The following BLCAP variants were observed in gnomAD, a reference collection of about 807,000 sequenced individuals.
BLCAP encodes the protein BLCAP apoptosis inducing factor, also known as apoptosis inducing factor BLCAP.
A neutral mutation model predicts 5.7 loss-of-function variants in BLCAP; 1 was observed. That is an observed-to-expected ratio of 0.18 (90% CI 0.06 to 0.83). BLCAP has a LOEUF of 0.83. Among genes scored for constraint, BLCAP ranks in the 40% least tolerant of loss-of-function variants. The probability of loss-of-function intolerance (pLI) is 0.71; values close to 1 mark genes in which losing one functional copy is unlikely to be tolerated. For missense variants in BLCAP, 66 were observed against 107.6 expected (o/e 0.61, Z 1.71); for synonymous variants, 48 against 49.4 (o/e 0.97, Z 0.11).
intron 1 of BLCAP, chr20:37,522,445 C>A (rs952241675): frequency 1.9e-5 from 31 of 1,612,558 alleles, no homozygotes; most frequent in Non-Finnish European, 2.6e-5. Context: ...TGAGGTATAC[C>A]TAAGTTGTGG....
At position 37,521,638 on chromosome 20, in the gene BLCAP, G is replaced by A. The variant is rs1363287404; in HGVS notation, c.-176-2288C>T. On this transcript the variant is annotated intron_variant, in intron 1 of 1. Transcript: ENST00000373537. This position sits in a 1 kb window ranked among gnomAD's most constrained non-coding sequence, Gnocchi z 4.5. ...CTGCCAGGGAACAAAGACTCGGGGCGCGGCGGGCGACCGCTGCGGACGATC... is the reference window on the plus strand; with the variant it reads ...CTGCCAGGGAACAAAGACTCGGGGCACGGCGGGCGACCGCTGCGGACGATC... 7.4e-6 allele frequency: 4 copies of A among 537,710 alleles called. No homozygotes were observed. Among genetic ancestry groups the A allele is most frequent in the East Asian group, 3.2e-5 (1 of 31,056 alleles). The allele number at this position is 537,710 out of a possible 1,614,324, so 33.3% of individuals were successfully genotyped here. A position where few individuals can be genotyped will look rare whatever the true frequency, so the allele number is the denominator to read the frequency against.
intron 1 of BLCAP, chr20:37,520,408 A>G (rs2071526375): frequency 6.6e-6 from 1 of 152,272 alleles, no homozygotes. Flanking sequence ...CAACGGGTAC[A>G]AAGAACCCCA....
chr20:37,522,070 A>ATT (rs2071598975), intron 1 of BLCAP, among the ~76,000 whole-genome samples: 1 of 151,704 alleles, frequency 6.6e-6, no homozygotes, highest in African/African-American at 2.4e-5. Flanking sequence ...GCTAACGGAA[A>ATT]AAAATGGATC....
chr20:37,519,078 G>A lies in BLCAP; in HGVS notation c.97C>T (p.Leu33=). ...TTCCGTTCCAGGAGGAAGCTGAGCA[G>A]GTAGAAGCCCATGAACATGGAGTGG... ...FSHSMFMGFY[L]LSFLLERKPC... Residue 33 remains leucine, a synonymous_variant, in exon 2 of 2, where the codon CTG becomes TTG. Coordinates refer to ENST00000373537, the MANE Select transcript of BLCAP (RefSeq NM_006698.4). The A allele has an allele frequency of 6.2e-7, 1 of 1,614,158 alleles. No individual in the cohort carries two copies. The highest frequency in any genetic ancestry group is 8.5e-7 in the Non-Finnish European group (1 of 1,180,022).
Position 37,521,471 on chromosome 20 carries a change from G to A in BLCAP, c.-176-2121C>T, listed in dbSNP as rs8114231. ...GCGCCCCTAGAACCCGCAAGACTGC[G>A]TCGCGATTGCCGCTTCCCGGACCCG... On this transcript the variant is annotated intron_variant, in intron 1 of 1. Transcript: ENST00000373537. This position sits in a 1 kb window ranked among gnomAD's most constrained non-coding sequence, Gnocchi z 4.5. 6.1e-3 allele frequency: 9,031 copies of A among 1,480,688 alleles called. 487 individuals carry two copies. In the African/African-American group the frequency reaches 0.11, roughly 18 times the overall value. 91.7% of individuals were successfully genotyped at this position (1,480,688 alleles called of 1,614,324 possible).
chr20:37,524,383 C>T (rs901416602), intron 1 of BLCAP: 1 of 152,288 alleles, frequency 6.6e-6, no homozygotes, highest in East Asian at 1.9e-4. Context: ...TTACCAGGTC[C>T]GTGGCCCTGG....
Position 37,521,599 on chromosome 20 carries a change from T to G in BLCAP, c.-176-2249A>C. 1.7e-6 allele frequency: 1 copy of G among 580,132 alleles called. No homozygotes were observed. Among genetic ancestry groups the G allele is most frequent in the Admixed American group, 3.1e-5 (1 of 32,020 alleles). The allele number at this position is 580,132 out of a possible 1,614,324, so 35.9% of individuals were successfully genotyped here. A position where few individuals can be genotyped will look rare whatever the true frequency, so the allele number is the denominator to read the frequency against. On this transcript the variant is annotated intron_variant, in intron 1 of 1. Transcript: ENST00000373537. This position sits in a 1 kb window ranked among gnomAD's most constrained non-coding sequence, Gnocchi z 4.5. ...CCGTCCTCCTCGCGCTGACCCTCCCTAGTGCGCCCGCGCCTGCCAGGGAAC... is the reference window on the plus strand; with the variant it reads ...CCGTCCTCCTCGCGCTGACCCTCCCGAGTGCGCCCGCGCCTGCCAGGGAAC...
intron 1 of BLCAP, chr20:37,522,737 G>A (rs1278685297): frequency 1.2e-6 from 2 of 1,607,756 alleles, no homozygotes; most frequent in East Asian, 2.2e-5. Flanking sequence ...TTGGGGGAGC[G>A]CAGGCAGCGA....
chr20:37,522,514 T>A lies in BLCAP; in HGVS notation c.-176-3164A>T, dbSNP rs2071619850. ...ACAGTTGGAAAAGCTCCAGCTGCCC[T>A]GACTCGTGGACAAGCTGCGCCCGCG... On this transcript the variant is annotated intron_variant, in intron 1 of 1. Transcript: ENST00000373537. The A allele has an allele frequency of 6.7e-6, 10 of 1,485,606 alleles. No individual in the cohort carries two copies. In the Admixed American group the frequency reaches 7.1e-5, roughly 11 times the overall value. 92.0% of individuals were successfully genotyped at this position (1,485,606 alleles called of 1,614,324 possible). A position where few individuals can be genotyped will look rare whatever the true frequency, so the allele number is the denominator to read the frequency against.
At chr20:37,522,203 A>AT (rs1284083843) in intron 1 of BLCAP, among the ~76,000 whole-genome samples, 1 of 150,828 alleles carries the variant, frequency 6.6e-6, no homozygotes, top group Non-Finnish European at 1.5e-5. Flanking sequence ...AATAATAAAA[A>AT]AAATAAAAAA....
chr20:37,522,505 C>T, intron 1 of BLCAP: 4 of 1,530,970 alleles, frequency 2.6e-6, no homozygotes, highest in Non-Finnish European at 3.6e-6. Context: ...GGAAAAGCTC[C>T]AGCTGCCCTG....
rs2071430846 is a variant in BLCAP at position 37,517,747 on chromosome 20, G to A, written c.*1164C>T. On this transcript the variant is annotated 3_prime_UTR_variant, in exon 2 of 2. Coordinates refer to ENST00000373537, the MANE Select transcript of BLCAP (RefSeq NM_006698.4). ...AGTCTTCCTGGGTATTCTTCATAATGTACAGTCTATATGCGCAGGAACGAA... is the reference window on the plus strand; with the variant it reads ...AGTCTTCCTGGGTATTCTTCATAATATACAGTCTATATGCGCAGGAACGAA... 6.6e-6 allele frequency: 1 copy of A among 152,644 alleles called. No individual in the cohort carries two copies. Among genetic ancestry groups the A allele is most frequent in the Non-Finnish European group, 1.5e-5 (1 of 68,048 alleles). 9.5% of individuals were successfully genotyped at this position (152,644 alleles called of 1,614,324 possible).
At chr20:37,525,078 G>A (rs951628041) in intron 1 of BLCAP, among the ~76,000 whole-genome samples, 3 of 152,188 alleles carry the variant, frequency 2.0e-5, no homozygotes, top group East Asian at 1.9e-4. Context: ...GTCTCCTCTC[G>A]CCCCAGTGTG....
Position 37,521,107 on chromosome 20 carries a change from G to C in BLCAP, c.-176-1757C>G. The C allele has an allele frequency of 1.7e-6, 1 of 592,302 alleles. No individual in the cohort carries two copies. The highest frequency in any genetic ancestry group is 1.9e-5 in the South Asian group (1 of 52,868). 36.7% of individuals were successfully genotyped at this position (592,302 alleles called of 1,614,324 possible). On this transcript the variant is annotated intron_variant, in intron 1 of 1. Transcript: ENST00000373537. The surrounding 1 kb of genome is among the most constrained non-coding windows in gnomAD (Gnocchi z 4.5). ...AACTCAGGAGGCGGGGGTCGGTATG[G>C]AAAGAGCAGATGGATTATTTTTTTC... is the stretch of plus-strand genomic sequence containing the variant.
chr20:37,522,921 C>T (rs1044466051), intron 1 of BLCAP: 2 of 599,918 alleles, frequency 3.3e-6, no homozygotes, highest in Non-Finnish European at 5.8e-6. Flanking sequence ...CCCGGAGAAG[C>T]AGTACCGACA....
chr20:37,520,953 G>A (rs2071546785), intron 1 of BLCAP, among the ~76,000 whole-genome samples: 1 of 152,028 alleles, frequency 6.6e-6, no homozygotes, highest in African/African-American at 2.4e-5. Context: ...TGGGGAGAAG[G>A]GCGCCACACT....
rs928459910 is a variant in BLCAP, at chr20:37,517,728, C to T, written c.*1183G>A. The T allele has an allele frequency of 1.3e-5, 2 of 152,648 alleles. No homozygotes were observed. Among genetic ancestry groups the T allele is most frequent in the Non-Finnish European group, 2.9e-5 (2 of 68,042 alleles). The allele number at this position is 152,648 out of a possible 1,614,324, so 9.5% of individuals were successfully genotyped here. ...CAGCAAGTGACAGTCACAAAGTCTT[C>T]CTGGGTATTCTTCATAATGTACAGT... On this transcript the variant is annotated 3_prime_UTR_variant, in exon 2 of 2. Transcript: ENST00000373537.
intron 1 of BLCAP, chr20:37,520,307 G>A (rs6066699): frequency 6.6e-6 from 1 of 152,230 alleles, no homozygotes; most frequent in Non-Finnish European, 1.5e-5. Flanking sequence ...CGGTCTAAAA[G>A]GGACCCGCCT....
chr20:37,519,857 G>C (rs541636097), intron 1 of BLCAP, among the ~76,000 whole-genome samples: 2 of 152,364 alleles, frequency 1.3e-5, no homozygotes, highest in Non-Finnish European at 2.9e-5. Context: ...AGTTAAAGCT[G>C]TTAGCGGGGC....
Sources: allele counts gnomAD v4.1 joint callset (sites outside exome capture counted in the v4.1 genomes callset), GRCh38; gene constraint gnomAD v4.1.1; non-coding constraint Gnocchi (gnomAD v3.1); transcripts MANE v1.5; gene names NCBI Gene and HGNC (gene_info 2026-07-23, HGNC 2026-07-21).